The following MYH11 variants were observed in gnomAD, a reference collection of about 807,000 sequenced individuals.
The protein encoded by MYH11 is myosin-11.
In MYH11, 80 loss-of-function variants were observed where a neutral mutation model predicts 246.6. That is an observed-to-expected ratio of 0.32 (90% CI 0.27 to 0.39). The LOEUF (loss-of-function observed/expected upper bound fraction) is 0.39. Ranked by LOEUF, MYH11 falls within the 10% of genes least tolerant of loss-of-function variation. MYH11 has a pLI of 1.00. For synonymous variants in MYH11, 1,071 were observed against 1,015.5 expected (o/e 1.05, Z -1.04); for missense variants, 2,158 against 2,546.8 (o/e 0.85, Z 3.29).
intron 36 of MYH11, chr16:15,718,784 A>G (rs2040308716): frequency 1.2e-5 from 5 of 427,114 alleles, no homozygotes; most frequent in South Asian, 1.2e-4. Flanking sequence ...CCTAACCACC[A>G]TGGGTCTGTC....
chr16:15,703,617 G>C lies in MYH11; in HGVS notation c.*374C>G, dbSNP rs1245104107. On this transcript the variant is annotated 3_prime_UTR_variant, in exon 41 of 41. Coordinates refer to ENST00000300036, the MANE Select transcript of MYH11 (RefSeq NM_002474.3). The stretch of plus-strand genomic sequence containing the variant: ...GGTGGTGGTGGTGGTGGTTGAGACA[G>C]GGTCTCTGTTGCCCAGGCTGGAGTG... 5 of 395,112 alleles carry C rather than the reference G, an allele frequency of 1.3e-5. No individual in the cohort carries two copies. The highest frequency in any genetic ancestry group is 4.0e-5 in the Admixed American group (1 of 24,866). The allele number at this position is 395,112 out of a possible 1,614,324, so 24.5% of individuals were successfully genotyped here. A position where few individuals can be genotyped will look rare whatever the true frequency, so the allele number is the denominator to read the frequency against.
At chr16:15,830,528 T>C (rs2151373701) in intron 2 of MYH11, among the ~76,000 whole-genome samples, 1 of 152,192 alleles carries the variant, frequency 6.6e-6, no homozygotes, top group Admixed American at 6.5e-5. Context: ...CCGGGGCCTG[T>C]GCTGCCATTT....
At position 15,721,501 on chromosome 16, in the gene MYH11, T is replaced by G; in HGVS notation, c.4499A>C (p.Glu1500Ala). Reference sequence around the variant, plus strand: ...CATTTTGTTGGTCCGCTCGAGTTCCTCTTTGGCTTCCAAGGCCTCTTCAAG... The same window carrying G: ...CATTTTGTTGGTCCGCTCGAGTTCCGCTTTGGCTTCCAAGGCCTCTTCAAG... Reference protein sequence around the residue: ...RALEEALEAKEELERTNKMLK... With the variant: ...RALEEALEAKAELERTNKMLK... Residue 1500 changes from glutamate (E) to alanine (A), a missense_variant, in exon 32 of 41, where the codon GAG (glutamate) becomes GCG (alanine). By Grantham distance (107) the Glu-to-Ala change is moderately radical. Transcript: ENST00000300036. The G allele has an allele frequency of 6.2e-7, 1 of 1,614,212 alleles. No individual in the cohort carries two copies. Among genetic ancestry groups the G allele is most frequent in the Non-Finnish European group, 8.5e-7 (1 of 1,180,036 alleles).
intron 3 of MYH11, among the ~76,000 whole-genome samples, chr16:15,814,553 C>CAAAAAAAAA (rs58806731): frequency 1.0e-3 from 23 of 22,824 alleles, no homozygotes; most frequent in East Asian, 5.9e-3. Flanking sequence ...AACTCCATCT[C>CAAAAAAAAA]AAAAAAAAAA....
intron 2 of MYH11, among the ~76,000 whole-genome samples, chr16:15,825,650 T>A (rs1304807565): frequency 1.3e-5 from 2 of 152,098 alleles, no homozygotes; most frequent in African/African-American, 4.8e-5. Flanking sequence ...CATATGCACT[T>A]TACCATTTAA....
intron 37 of MYH11, 85 bp from the exon 38 acceptor site, chr16:15,717,433 G>A: frequency 6.9e-7 from 1 of 1,444,904 alleles, no homozygotes; most frequent in Non-Finnish European, 9.5e-7. Context: ...TGCCTTGTTT[G>A]GCCTCTGCAC....
intron 3 of MYH11, among the ~76,000 whole-genome samples, chr16:15,806,454 T>A (rs1229534320): frequency 6.6e-6 from 1 of 151,984 alleles, no homozygotes; most frequent in Non-Finnish European, 1.5e-5. Context: ...GACAAAAAAA[T>A]GTGCACAAGA....
intron 2 of MYH11, among the ~76,000 whole-genome samples, chr16:15,826,594 G>GAAAAAAAAAAA (rs57999830): frequency 9.0e-4 from 133 of 148,198 alleles, no homozygotes; most frequent in African/African-American, 3.3e-3. Context: ...TCTCAAAAAA[G>GAAAAAAAAAAA]AAAAAGAAAG....
intron 14 of MYH11, among the ~76,000 whole-genome samples, chr16:15,753,791 T>C (rs1031545457): frequency 1.3e-5 from 2 of 152,056 alleles, no homozygotes; most frequent in Non-Finnish European, 2.9e-5. Flanking sequence ...GCCTCCCTCC[T>C]CCTAAGCCAG....
intron 8 of MYH11, among the ~76,000 whole-genome samples, chr16:15,774,865 G>C (rs2042183320): frequency 6.6e-6 from 1 of 152,200 alleles, no homozygotes; most frequent in African/African-American, 2.4e-5. Context: ...TGGGATTACA[G>C]GCATGAGCCA....
At chr16:15,819,273 C>A (rs1427938322) in intron 3 of MYH11, among the ~76,000 whole-genome samples, 5 of 152,210 alleles carry the variant, frequency 3.3e-5, no homozygotes, top group African/African-American at 7.2e-5. Context: ...AACCTAGAGA[C>A]CATGAGGAAT....
intron 2 of MYH11, among the ~76,000 whole-genome samples, chr16:15,826,345 T>C (rs1423780765): frequency 6.6e-6 from 1 of 152,034 alleles, no homozygotes; most frequent in Non-Finnish European, 1.5e-5. Flanking sequence ...CCCAGCACTT[T>C]GGGAGGTCAA....
chr16:15,757,041 G>T (rs1273721651), intron 13 of MYH11, among the ~76,000 whole-genome samples: 1 of 151,454 alleles, frequency 6.6e-6, no homozygotes, highest in Non-Finnish European at 1.5e-5. Flanking sequence ...CTCGTGATCC[G>T]CCCGCCTCGG....
intron 22 of MYH11, among the ~76,000 whole-genome samples, chr16:15,740,482 G>A (rs1179846469): frequency 2.0e-5 from 3 of 152,042 alleles, no homozygotes; most frequent in East Asian, 1.9e-4. Flanking sequence ...ATGGTGGTGG[G>A]CTCCTGTAAT....
chr16:15,716,108 T>A (rs952339105), intron 38 of MYH11, among the ~76,000 whole-genome samples: 2 of 151,580 alleles, frequency 1.3e-5, no homozygotes, highest in Non-Finnish European at 2.9e-5. Context: ...CTCAAAAAAA[T>A]AAAAATAAAA....
chr16:15,780,822 G>GCAAA (rs1196418149), intron 6 of MYH11, among the ~76,000 whole-genome samples: 1 of 152,084 alleles, frequency 6.6e-6, no homozygotes, highest in East Asian at 1.9e-4. Flanking sequence ...ATTAACAAGT[G>GCAAA]TTTAAAATGT....
At chr16:15,784,871 TTC>T (rs978705578) in intron 5 of MYH11, 2 of 773,734 alleles carry the variant, frequency 2.6e-6, no homozygotes, top group African/African-American at 3.5e-5. Context: ...ACTGTTTCTT[TTC>T]TCTCTGTTTA....
At chr16:15,800,970 C>T (rs181022202) in intron 3 of MYH11, among the ~76,000 whole-genome samples, 341 of 152,108 alleles carry the variant, frequency 2.2e-3, no homozygotes, top group African/African-American at 7.8e-3. Flanking sequence ...CTTTGGGAGG[C>T]CAAGGAGGGT....
At chr16:15,748,279 C>T in intron 16 of MYH11, 111 bp from the exon 17 acceptor site, 2 of 1,545,482 alleles carry the variant, frequency 1.3e-6, no homozygotes, top group Non-Finnish European at 8.7e-7. Flanking sequence ...AGGGTACCAA[C>T]AGAAGCACCC....
Sources: allele counts gnomAD v4.1 joint callset (sites outside exome capture counted in the v4.1 genomes callset), GRCh38; gene constraint gnomAD v4.1.1; transcripts MANE v1.5; gene names NCBI Gene and HGNC (gene_info 2026-07-23, HGNC 2026-07-21).